PI4KA: variants seen among roughly 807,000 people sequenced by gnomAD.
PI4KA encodes phosphatidylinositol 4-kinase alpha.
PI4KA carries 122 observed loss-of-function variants against 271.4 expected under a neutral mutation model. That is an observed-to-expected ratio of 0.45 (90% CI 0.39 to 0.52). The LOEUF (loss-of-function observed/expected upper bound fraction) is 0.52, where lower values mean the gene tolerates loss of function less well. Ranked by LOEUF, PI4KA falls within the 20% of genes least tolerant of loss-of-function variation. PI4KA has a pLI of 0.00. For synonymous variants in PI4KA, 1,041 were observed against 1,078.8 expected, an observed-to-expected ratio of 0.96 and a Z score of 0.69; for missense variants, 1,969 against 2,769.1, an observed-to-expected ratio of 0.71 and a Z score of 6.48.
intron 19 of PI4KA, among the ~76,000 whole-genome samples, chr22:20,781,197 A>G (rs370703092): frequency 1.3e-5 from 2 of 152,326 alleles, no homozygotes; most frequent in African/African-American, 4.8e-5. Context: ...AATCCTAGGA[A>G]TAAATAAGCA....
In PI4KA at chr22:20,858,564, C is replaced by T. The variant is rs1231941829; in HGVS notation, c.156+6G>A. 6 of 1,380,920 alleles carry T rather than the reference C, an allele frequency of 4.3e-6. No individual in the cohort carries two copies. The Admixed American group carries it at 1.7e-4, about 39-fold the overall frequency. 85.5% of individuals were successfully genotyped at this position (1,380,920 alleles called of 1,614,324 possible). Reference sequence around the variant, plus strand: ...GTCAGCCCGCGGCCCAGCCCGCCGACGTTACCTTCTCCAAGGATGCTGGTC... The same window carrying T: ...GTCAGCCCGCGGCCCAGCCCGCCGATGTTACCTTCTCCAAGGATGCTGGTC... On this transcript the variant is annotated splice_donor_region_variant and intron_variant, in intron 1 of 54. Transcript: ENST00000255882.
Position 20,834,643 on chromosome 22 carries a change from C to T in PI4KA, c.286G>A (p.Val96Met). The T allele has an allele frequency of 6.3e-7, 1 of 1,598,684 alleles. No individual in the cohort carries two copies. ...AGAAGTCGAAGAAGGTAAGGAACCA[C>T]ACAATCTTTGTGCTAAAAAATAATA... is the stretch of plus-strand genomic sequence containing the variant. ...IESDLQHKDC[V>M]VPYLLRLLKG... The change falls in exon 3 of 55, where the codon GTG becomes ATG. Residue 96 changes from valine (V) to methionine (M), a missense_variant. Coordinates refer to ENST00000255882, the MANE Select transcript of PI4KA (RefSeq NM_058004.4).
intron 1 of PI4KA, among the ~76,000 whole-genome samples, chr22:20,847,764 A>AAC (rs372730578): frequency 6.6e-6 from 1 of 151,942 alleles, no homozygotes; most frequent in Admixed American, 6.6e-5. Flanking sequence ...CAAAAAAAAA[A>AAC]ACAAAAAAAA....
chr22:20,779,411 A>G (rs143785358), intron 19 of PI4KA: 72 of 1,614,134 alleles, frequency 4.5e-5, no homozygotes, highest in Non-Finnish European at 6.1e-5. Context: ...AAGGAGGGGA[A>G]ACTGCTCAGT....
At chr22:20,780,775 C>CAAAAAAAAAA (rs538327544) in intron 19 of PI4KA, among the ~76,000 whole-genome samples, 14 of 67,686 alleles carry the variant, frequency 2.1e-4, no homozygotes, top group African/African-American at 3.9e-4. Context: ...GACTCCATCT[C>CAAAAAAAAAA]AAAAAAAAAA....
chr22:20,786,690 T>A (rs1248850468), intron 19 of PI4KA, among the ~76,000 whole-genome samples: 1 of 152,126 alleles, frequency 6.6e-6, no homozygotes, highest in Non-Finnish European at 1.5e-5. Flanking sequence ...CTAGCCGGCC[T>A]CTAAGTGCAA....
chr22:20,743,585 T>C (rs1929712841), intron 30 of PI4KA, among the ~76,000 whole-genome samples: 1 of 152,190 alleles, frequency 6.6e-6, no homozygotes, highest in South Asian at 2.1e-4. Flanking sequence ...CCTCCCAAAG[T>C]GCTGGGATTA....
intron 1 of PI4KA, among the ~76,000 whole-genome samples, chr22:20,857,780 T>C (rs897358357): frequency 6.6e-6 from 1 of 152,208 alleles, no homozygotes; most frequent in African/African-American, 2.4e-5. Flanking sequence ...TAAGTGCCAG[T>C]GCAGGGAACA....
At chr22:20,771,965 G>A (rs1315021568) in intron 19 of PI4KA, among the ~76,000 whole-genome samples, 2 of 152,202 alleles carry the variant, frequency 1.3e-5, no homozygotes, top group Non-Finnish European at 2.9e-5. Context: ...AAAAATGAAT[G>A]CTGTGTCCCC....
chr22:20,844,272 C>A (rs1304907302), intron 1 of PI4KA, among the ~76,000 whole-genome samples: 1 of 152,132 alleles, frequency 6.6e-6, no homozygotes, highest in African/African-American at 2.4e-5. Context: ...CTAAAGCGGC[C>A]AAGGTCACAG....
intron 25 of PI4KA, 48 bp downstream of exon 25, chr22:20,752,855 G>T (rs1222146483): frequency 6.4e-7 from 1 of 1,572,140 alleles, no homozygotes; most frequent in South Asian, 1.1e-5. Context: ...TGAAATCACA[G>T]AAGTTTATAT....
Position 20,753,416 on chromosome 22 carries a change from G to A in PI4KA, c.2792-236C>T, listed in dbSNP as rs5751855. Among the ~76,000 whole-genome samples, 73,641 of 151,862 alleles carry A rather than the reference G, an allele frequency of 0.48. 18,345 individuals are homozygous for A. The highest frequency in any genetic ancestry group is 0.58 in the African/African-American group (23,894 of 41,402). On this transcript the variant is annotated intron_variant, in intron 23 of 54. Coordinates refer to ENST00000255882, the MANE Select transcript of PI4KA (RefSeq NM_058004.4). The stretch of plus-strand genomic sequence containing the variant: ...TCCTATTACCTAAACTTCAGACTTC[G>A]TCTGGATTTCCCAGGTCTCCCACAC...
At chr22:20,749,495 G>C (rs148668378) in intron 28 of PI4KA, among the ~76,000 whole-genome samples, 34 of 152,400 alleles carry the variant, frequency 2.2e-4, no homozygotes, top group African/African-American at 7.9e-4. Flanking sequence ...TGGGACACAA[G>C]TCCCCAACTC....
intron 1 of PI4KA, among the ~76,000 whole-genome samples, chr22:20,848,718 A>G (rs1251508629): frequency 1.3e-5 from 2 of 152,224 alleles, no homozygotes; most frequent in Non-Finnish European, 2.9e-5. Flanking sequence ...GTAAGAGCTA[A>G]ACTATAAAAC....
intron 1 of PI4KA, among the ~76,000 whole-genome samples, chr22:20,852,248 T>G (rs187657907): frequency 6.6e-6 from 1 of 152,296 alleles, no homozygotes; most frequent in East Asian, 1.9e-4. Flanking sequence ...ACACCTCCAA[T>G]GAGTGCAAAC....
rs546717510 is a variant in PI4KA, at chr22:20,724,268, G to A, written c.4995+2220C>T. Among the ~76,000 whole-genome samples the A allele has an allele frequency of 2.3e-4, 35 of 150,204 alleles. 1 individual carries two copies. Among genetic ancestry groups the A allele is most frequent in the Admixed American group, 1.5e-3 (23 of 15,068 alleles). On this transcript the variant is annotated intron_variant, in intron 42 of 54. Coordinates refer to ENST00000255882, the MANE Select transcript of PI4KA (RefSeq NM_058004.4). ...TGTAGTGAGCTGAGATCACACCATT[G>A]CACTCCAGCCTGGGCAACAAGAGCG...
In PI4KA at chr22:20,742,638, T is replaced by G. The variant is rs1177250660; in HGVS notation, c.3583A>C (p.Lys1195Gln). The G allele has an allele frequency of 1.9e-6, 3 of 1,614,060 alleles. No homozygotes were observed. The African/African-American group carries it at 4.0e-5, about 22-fold the overall frequency. ...HPQHYTQAMF[K>Q]LTAMLISSKD... ...CTGCTAATGAGCATTGCGGTCAGCT[T>G]GAACATGGCCTGCGTGTAGTGCTGA... Residue 1195 changes from lysine to glutamine, a missense_variant, in exon 31 of 55, where the codon AAG becomes CAG. Physicochemically the swap from Lys to Gln is moderately conservative, Grantham distance 53. Around this residue, in one of 13 missense-constraint regions of PI4KA, gnomAD observed 203 missense variants for 256.8 expected, o/e 0.79. Transcript: ENST00000255882.
At chr22:20,757,058 C>T (rs925606400) in intron 23 of PI4KA, among the ~76,000 whole-genome samples, 21 of 152,220 alleles carry the variant, frequency 1.4e-4, no homozygotes, top group African/African-American at 2.9e-4. Context: ...CCCTCACGTT[C>T]CTGTGCAGCT....
At chr22:20,764,639 T>G in intron 22 of PI4KA, 178 bp downstream of exon 22, 2 of 566,868 alleles carry the variant, frequency 3.5e-6, no homozygotes. Flanking sequence ...ATACGTGGTG[T>G]CTGGTGGTCA....
Sources: gnomAD v4.1 joint callset for allele counts (sites outside exome capture counted in the v4.1 genomes callset) on GRCh38, gnomAD v4.1.1 for gene constraint, gnomAD v4.1.1 regional missense constraint, MANE v1.5 for transcripts, NCBI Gene and HGNC (gene_info 2026-07-23, HGNC 2026-07-21) for gene names.